Variants in BTBD9 observed in about 807,000 individuals in gnomAD.
BTBD9 encodes BTB/POZ domain-containing protein 9.
BTBD9 carries 49 observed loss-of-function variants against 64.3 expected under a neutral mutation model. The observed-to-expected ratio is 0.76, with a 90% CI of 0.61 to 0.97. The LOEUF (loss-of-function observed/expected upper bound fraction) is 0.97. BTBD9 is among the 50% of genes least tolerant of loss of function. BTBD9 has a pLI of 0.00. For synonymous variants in BTBD9, 260 were observed against 274.7 expected, an observed-to-expected ratio of 0.95 and a Z score of 0.53; for missense variants, 598 against 762.1, an observed-to-expected ratio of 0.78 and a Z score of 2.53.
chr6:38,179,438 G>A (rs1008258573), intron 10 of BTBD9: 4 of 456,660 alleles, frequency 8.8e-6, no homozygotes, highest in African/African-American at 8.0e-5. Context: ...GCATACTGCG[G>A]TGCTACAGAA....
At chr6:38,238,332 G>GGT (rs1353621330) in intron 9 of BTBD9, among the ~76,000 whole-genome samples, 2 of 152,268 alleles carry the variant, frequency 1.3e-5, no homozygotes, top group East Asian at 3.9e-4. Context: ...GATTTACATT[G>GGT]GTTCCACCTG....
intron 9 of BTBD9, among the ~76,000 whole-genome samples, chr6:38,223,939 G>A (rs769113333): frequency 3.9e-5 from 6 of 152,032 alleles, no homozygotes; most frequent in African/African-American, 7.2e-5. Flanking sequence ...ATGGCCTGGC[G>A]CAGTGGCTCA....
intron 6 of BTBD9, among the ~76,000 whole-genome samples, chr6:38,558,270 A>T (rs1775113404): frequency 6.6e-6 from 1 of 151,488 alleles, no homozygotes; most frequent in South Asian, 2.1e-4. Flanking sequence ...AAAAAAAAAA[A>T]ATCTATCAGG....
At position 38,469,928 on chromosome 6, in the gene BTBD9, T is replaced by C. The variant is rs536026834; in HGVS notation, c.1154+107672A>G. Among the ~76,000 whole-genome samples, 225 of 152,300 alleles carry C rather than the reference T, an allele frequency of 1.5e-3. 1 individual carries two copies. Among genetic ancestry groups the C allele is most frequent in the Non-Finnish European group, 2.5e-3 (170 of 68,022 alleles). On this transcript the variant is annotated intron_variant, in intron 6 of 10. Coordinates refer to ENST00000481247, the MANE Select transcript of BTBD9 (RefSeq NM_001099272.2). ...AATACGTAATTCAAAATTGAGCACGTACACAAGAATTTAGAATTACCTCAA... is the reference window on the plus strand; with the variant it reads ...AATACGTAATTCAAAATTGAGCACGCACACAAGAATTTAGAATTACCTCAA...
chr6:38,327,764 C>T (rs891362327), intron 7 of BTBD9, among the ~76,000 whole-genome samples: 1 of 152,182 alleles, frequency 6.6e-6, no homozygotes, highest in African/African-American at 2.4e-5. Context: ...GATTAGTTTG[C>T]ATTACTTAGA....
chr6:38,387,131 C>A (rs1245594593), intron 6 of BTBD9, among the ~76,000 whole-genome samples: 1 of 152,222 alleles, frequency 6.6e-6, no homozygotes, highest in African/African-American at 2.4e-5. Context: ...CACCTTCCTA[C>A]AAACTTCAAA....
intron 1 of BTBD9, among the ~76,000 whole-genome samples, chr6:38,636,570 A>T (rs1778533232): frequency 6.6e-6 from 1 of 152,222 alleles, no homozygotes; most frequent in South Asian, 2.1e-4. Context: ...CTGGTCATAA[A>T]TGTAGAGATT....
At chr6:38,207,507 C>T (rs1762698878) in intron 9 of BTBD9, among the ~76,000 whole-genome samples, 1 of 152,136 alleles carries the variant, frequency 6.6e-6, no homozygotes, top group Non-Finnish European at 1.5e-5. Context: ...CTTGTAGTCT[C>T]AGCTACTTGG....
At chr6:38,378,880 A>G (rs1176590840) in intron 6 of BTBD9, among the ~76,000 whole-genome samples, 1 of 151,834 alleles carries the variant, frequency 6.6e-6, no homozygotes, top group Non-Finnish European at 1.5e-5. Context: ...TCTCAAAAAA[A>G]AAAAAAAAGA....
intron 4 of BTBD9, among the ~76,000 whole-genome samples, chr6:38,582,340 A>C (rs1776328680): frequency 1.3e-5 from 2 of 152,360 alleles, no homozygotes; most frequent in South Asian, 4.1e-4. Flanking sequence ...CACTGTCCTA[A>C]GCACTTTGCA....
chr6:38,314,439 G>C lies in BTBD9; in HGVS notation c.1265-25978C>G, dbSNP rs141124963. The stretch of plus-strand genomic sequence containing the variant: ...TTTTATTTTTTTTTAATGTGTCTTT[G>C]TCTGGTTTTGATAACAGAATAACAC... On this transcript the variant is annotated intron_variant, in intron 7 of 10. Coordinates refer to ENST00000481247, the MANE Select transcript of BTBD9 (RefSeq NM_001099272.2). Among the ~76,000 whole-genome samples, 384 of 152,026 alleles carry C rather than the reference G, an allele frequency of 2.5e-3. 3 individuals are homozygous for C. Among genetic ancestry groups the C allele is most frequent in the East Asian group, 0.012 (61 of 5,164 alleles).
At chr6:38,401,259 CT>C (rs1197638875) in intron 6 of BTBD9, among the ~76,000 whole-genome samples, 6 of 152,284 alleles carry the variant, frequency 3.9e-5, no homozygotes, top group African/African-American at 1.4e-4. Flanking sequence ...TGCTCTTCCT[CT>C]TCTTCTCTCT....
At chr6:38,551,020 T>C (rs537233550) in intron 6 of BTBD9, among the ~76,000 whole-genome samples, 33 of 152,360 alleles carry the variant, frequency 2.2e-4, no homozygotes, top group African/African-American at 7.0e-4. Context: ...TTTGCCCACA[T>C]TGGCTTGTTC....
intron 6 of BTBD9, among the ~76,000 whole-genome samples, chr6:38,359,186 G>A (rs943600518): frequency 7.9e-5 from 12 of 152,140 alleles, no homozygotes; most frequent in African/African-American, 2.9e-4. Context: ...CCTATCCTAG[G>A]AAACCACTCA....
At chr6:38,204,122 G>A (rs2092425) in intron 9 of BTBD9, among the ~76,000 whole-genome samples, 54,836 of 151,930 alleles carry the variant, frequency 0.36, 10,667 homozygotes, top group Non-Finnish European at 0.44. Flanking sequence ...TACTGCTTGT[G>A]GGAATGTTCA....
chr6:38,553,895 G>A (rs1264437582), intron 6 of BTBD9, among the ~76,000 whole-genome samples: 1 of 151,746 alleles, frequency 6.6e-6, no homozygotes, highest in African/African-American at 2.4e-5. Flanking sequence ...AAACCATTGG[G>A]AACAGGAAGT....
intron 6 of BTBD9, among the ~76,000 whole-genome samples, chr6:38,532,028 G>C (rs1026439452): frequency 6.6e-6 from 1 of 152,190 alleles, no homozygotes; most frequent in African/African-American, 2.4e-5. Flanking sequence ...TCATATCCCT[G>C]AAAGAGGTGC....
At chr6:38,213,901 C>T (rs1170689867) in intron 9 of BTBD9, among the ~76,000 whole-genome samples, 1 of 151,812 alleles carries the variant, frequency 6.6e-6, no homozygotes, top group East Asian at 1.9e-4. Context: ...GAGGCTGAGG[C>T]AGGAAAATGG....
At position 38,477,360 on chromosome 6, in the gene BTBD9, C is replaced by G. The variant is rs543103174; in HGVS notation, c.1154+100240G>C. 1.7e-3 allele frequency among the ~76,000 whole-genome samples: 264 copies of G among 152,282 alleles called. No individual in the cohort carries two copies. In the Middle Eastern group the frequency reaches 0.02, roughly 12 times the overall value. ...ACCTACTATGTGCTAGCTGTAACATCGAAATACAATTGAATAGACAGGGCT... is the reference window on the plus strand; with the variant it reads ...ACCTACTATGTGCTAGCTGTAACATGGAAATACAATTGAATAGACAGGGCT... On this transcript the variant is annotated intron_variant, in intron 6 of 10. Coordinates refer to ENST00000481247, the MANE Select transcript of BTBD9 (RefSeq NM_001099272.2).
Sources: gnomAD v4.1 joint callset for allele counts (sites outside exome capture counted in the v4.1 genomes callset) on GRCh38, gnomAD v4.1.1 for gene constraint, MANE v1.5 for transcripts, NCBI Gene and HGNC (gene_info 2026-07-23, HGNC 2026-07-21) for gene names.